FOCAD: variants seen among roughly 807,000 people sequenced by gnomAD.
The protein encoded by FOCAD is focadhesin, also known as KIAA1797.
A neutral mutation model predicts 225.6 loss-of-function variants in FOCAD; 198 were observed. That is an observed-to-expected ratio of 0.88 (90% CI 0.78 to 0.99). The LOEUF (loss-of-function observed/expected upper bound fraction) is 0.99. FOCAD is among the 50% of genes least tolerant of loss of function. FOCAD has a pLI of 0.00. For synonymous variants in FOCAD, 897 were observed against 755.0 expected (o/e 1.19, Z -3.08); for missense variants, 2,713 against 2,123.6 (o/e 1.28, Z -5.46).
intron 1 of FOCAD, among the ~76,000 whole-genome samples, chr9:20,684,972 T>A (rs1822572743): frequency 6.6e-6 from 1 of 152,216 alleles, no homozygotes; most frequent in African/African-American, 2.4e-5. Flanking sequence ...CTTCATGAGT[T>A]TTAGTTTCAG....
At chr9:20,897,476 C>T (rs564420147) in intron 21 of FOCAD, among the ~76,000 whole-genome samples, 8 of 150,644 alleles carry the variant, frequency 5.3e-5, no homozygotes, top group Admixed American at 1.3e-4. Flanking sequence ...TTTGTCCTTA[C>T]GGTTTCAACT....
At chr9:20,947,617 C>G (rs938892209) in intron 30 of FOCAD, among the ~76,000 whole-genome samples, 4 of 151,876 alleles carry the variant, frequency 2.6e-5, no homozygotes, top group African/African-American at 9.7e-5. Context: ...TGCCGCTGAA[C>G]TGGTATTCAC....
chr9:20,846,088 C>CA (rs1827077163), intron 15 of FOCAD, among the ~76,000 whole-genome samples: 1 of 152,080 alleles, frequency 6.6e-6, no homozygotes. Context: ...CATTTAGGCA[C>CA]ATTTCTCAGG....
intron 42 of FOCAD, among the ~76,000 whole-genome samples, chr9:20,991,646 C>G (rs189788401): frequency 3.4e-4 from 52 of 152,098 alleles, no homozygotes; most frequent in Admixed American, 1.4e-3. Flanking sequence ...AACCCTGTCT[C>G]TACTAAAAAT....
chr9:20,971,630 G>A (rs1327559264), intron 35 of FOCAD, among the ~76,000 whole-genome samples: 2 of 151,934 alleles, frequency 1.3e-5, no homozygotes, highest in Non-Finnish European at 2.9e-5. Context: ...TAGTAGAGAT[G>A]AGATGGAATT....
intron 1 of FOCAD, among the ~76,000 whole-genome samples, chr9:20,688,625 A>G (rs1822798391): frequency 6.6e-6 from 1 of 151,914 alleles, no homozygotes; most frequent in Non-Finnish European, 1.5e-5. Context: ...GAGAGTTTGT[A>G]GAATAAGAAA....
chr9:20,942,835 T>C (rs1469203335), intron 28 of FOCAD, among the ~76,000 whole-genome samples: 1 of 152,174 alleles, frequency 6.6e-6, no homozygotes, highest in African/African-American at 2.4e-5. Flanking sequence ...AGTTTATAAT[T>C]AAAATTGTAT....
chr9:20,728,372 A>G (rs1031295903), intron 4 of FOCAD, among the ~76,000 whole-genome samples: 1 of 152,164 alleles, frequency 6.6e-6, no homozygotes, highest in Non-Finnish European at 1.5e-5. Flanking sequence ...CCTGAAGGTA[A>G]TTTTGTACAA....
At chr9:20,845,129 A>G (rs1826946866) in intron 15 of FOCAD, among the ~76,000 whole-genome samples, 1 of 151,876 alleles carries the variant, frequency 6.6e-6, no homozygotes, top group African/African-American at 2.4e-5. Context: ...TAATTTCACA[A>G]TCCCTCCCTC....
At chr9:20,923,821 G>A in intron 25 of FOCAD, 53 bp downstream of exon 25, 2 of 1,376,436 alleles carry the variant, frequency 1.5e-6, no homozygotes, top group Admixed American at 1.9e-5. Context: ...TTTAAGCCTG[G>A]CTTTAGGTAG....
chr9:20,760,229 G>A (rs1326210790), intron 6 of FOCAD, among the ~76,000 whole-genome samples: 5 of 152,176 alleles, frequency 3.3e-5, no homozygotes, highest in African/African-American at 1.2e-4. Context: ...TGCAGTGCAT[G>A]GGCTAAGCAT....
chr9:20,892,099 C>A (rs537908766), intron 21 of FOCAD, among the ~76,000 whole-genome samples: 18 of 152,184 alleles, frequency 1.2e-4, no homozygotes, highest in Non-Finnish European at 2.1e-4. Context: ...TATTTTAATC[C>A]CACATTAAGA....
intron 24 of FOCAD, among the ~76,000 whole-genome samples, chr9:20,921,564 C>T (rs1403812399): frequency 4.6e-5 from 7 of 152,040 alleles, no homozygotes; most frequent in South Asian, 2.1e-4. Context: ...GAAGGGAATG[C>T]GAAGATGATC....
chr9:20,950,890 C>T, intron 33 of FOCAD, 106 bp from the exon 34 acceptor site: 1 of 913,518 alleles, frequency 1.1e-6, no homozygotes, highest in Non-Finnish European at 1.8e-6. Flanking sequence ...TCGTTGCCAG[C>T]CAAGCCACCA....
chr9:20,825,464 A>G (rs1564036549), intron 15 of FOCAD, among the ~76,000 whole-genome samples: 1 of 152,114 alleles, frequency 6.6e-6, no homozygotes, highest in Non-Finnish European at 1.5e-5. Flanking sequence ...TTTGGTAATG[A>G]TTTGTCTATC....
chr9:20,660,822 A>G (rs1306738900), intron 2 of FOCAD, among the ~76,000 whole-genome samples: 1 of 151,022 alleles, frequency 6.6e-6, no homozygotes, highest in African/African-American at 2.5e-5. Flanking sequence ...AGTTAGAAAA[A>G]GAGCATACAG....
intron 6 of FOCAD, among the ~76,000 whole-genome samples, chr9:20,763,670 A>C (rs1260651932): frequency 6.6e-6 from 1 of 152,198 alleles, no homozygotes. Flanking sequence ...AGTGAGAAGA[A>C]AGCCCAGATG....
intron 11 of FOCAD, among the ~76,000 whole-genome samples, chr9:20,808,396 C>G (rs1289851031): frequency 1.3e-5 from 2 of 152,094 alleles, no homozygotes; most frequent in Admixed American, 6.6e-5. Flanking sequence ...CATTCACAGG[C>G]TAGTGTGTGT....
intron 15 of FOCAD, among the ~76,000 whole-genome samples, chr9:20,828,685 A>G (rs936148237): frequency 6.6e-6 from 1 of 152,086 alleles, no homozygotes; most frequent in Admixed American, 6.6e-5. Flanking sequence ...GGTGTGTTAC[A>G]TAGGTAAACG....
Sources: gnomAD v4.1 joint callset for allele counts (sites outside exome capture counted in the v4.1 genomes callset) on GRCh38, gnomAD v4.1.1 for gene constraint, MANE v1.5 for transcripts, NCBI Gene and HGNC (gene_info 2026-07-23, HGNC 2026-07-21) for gene names.